POF1B: variants seen among roughly 807,000 people sequenced by gnomAD.
The protein encoded by POF1B is protein POF1B.
POF1B carries 53 observed loss-of-function variants against 55.3 expected under a neutral mutation model. The ratio of observed to expected loss-of-function variants is 0.96; its 90% confidence interval spans 0.77 to 1.20. The LOEUF (loss-of-function observed/expected upper bound fraction) is 1.20, where lower values mean the gene tolerates loss of function less well. Ranked by LOEUF, POF1B falls within the 50% of genes most tolerant of loss-of-function variation. POF1B has a pLI of 0.00. For missense variants in POF1B, 478 were observed against 420.5 expected, an observed-to-expected ratio of 1.14 and a Z score of -1.20; for synonymous variants, 188 against 148.3, an observed-to-expected ratio of 1.27 and a Z score of -1.95.
intron 15 of POF1B, among the ~76,000 whole-genome samples, chrX:85,298,559 A>G (rs1464082002): frequency 1.8e-5 from 2 of 111,574 alleles, no homozygotes; most frequent in African/African-American, 6.5e-5. Context: ...GTTACCTATC[A>G]AATCTCAGTG....
intron 15 of POF1B, among the ~76,000 whole-genome samples, chrX:85,295,214 C>A (rs1193438328): frequency 2.7e-5 from 3 of 111,512 alleles, no homozygotes; most frequent in Non-Finnish European, 5.6e-5. Flanking sequence ...ATCTCAATTT[C>A]ATTCAGTTTT....
intron 15 of POF1B, among the ~76,000 whole-genome samples, chrX:85,283,179 A>C (rs1439670492): frequency 9.0e-6 from 1 of 111,661 alleles, no homozygotes; most frequent in East Asian, 2.8e-4. Context: ...AACAATATAA[A>C]ATCACAATTC....
At chrX:85,375,785 T>C (rs1240342100) in intron 2 of POF1B, among the ~76,000 whole-genome samples, 1 of 111,908 alleles carries the variant, frequency 8.9e-6, no homozygotes, top group African/African-American at 3.3e-5. Flanking sequence ...AGCTGAATAA[T>C]TGTTGAGAAC....
intron 15 of POF1B, among the ~76,000 whole-genome samples, chrX:85,290,600 C>G (rs1932163352): frequency 9.0e-6 from 1 of 111,602 alleles, no homozygotes; most frequent in African/African-American, 3.3e-5. Flanking sequence ...TGATCTGCAC[C>G]CTCACCAGCA....
intron 6 of POF1B, 98 bp downstream of exon 6, chrX:85,345,762 A>G (rs1348713761): frequency 2.5e-6 from 2 of 799,998 alleles, no homozygotes; most frequent in African/African-American, 4.2e-5. Flanking sequence ...ACTTCTCAGT[A>G]TTTTGATGAA....
chrX:85,364,897 A>C (rs1476138941), intron 3 of POF1B, among the ~76,000 whole-genome samples: 2 of 111,845 alleles, frequency 1.8e-5, no homozygotes, highest in Non-Finnish European at 3.8e-5. Context: ...TATTTCATAG[A>C]TTTAGCTTGT....
intron 6 of POF1B, among the ~76,000 whole-genome samples, chrX:85,334,825 A>G (rs1193309342): frequency 9.0e-6 from 1 of 111,455 alleles, no homozygotes; most frequent in African/African-American, 3.2e-5. Context: ...TTTTCTTGCT[A>G]GCCTCCACAC....
chrX:85,303,761 G>A (rs764610119), intron 14 of POF1B, among the ~76,000 whole-genome samples: 6 of 111,130 alleles, frequency 5.4e-5, no homozygotes, highest in Middle Eastern at 4.7e-3. Context: ...TTGAATGGGC[G>A]TGGTTCTCAG....
intron 9 of POF1B, among the ~76,000 whole-genome samples, chrX:85,312,860 G>A (rs1932741076): frequency 9.0e-6 from 1 of 110,963 alleles, no homozygotes; most frequent in Non-Finnish European, 1.9e-5. Context: ...TTGAACAGTG[G>A]TTTGTAGCTC....
chrX:85,344,183 A>G (rs1318787758), intron 6 of POF1B, among the ~76,000 whole-genome samples: 1 of 111,135 alleles, frequency 9.0e-6, no homozygotes, highest in Non-Finnish European at 1.9e-5. Flanking sequence ...ACACTACACC[A>G]TAATACTCCT....
In POF1B at chrX:85,305,812, A is replaced by C. The variant is rs201641099; in HGVS notation, c.1416T>G (p.Asp472Glu). Residue 472 changes from aspartate (D) to glutamate (E), a missense_variant, in exon 13 of 17, where the codon GAT becomes GAG. Coordinates refer to ENST00000262753, the MANE Select transcript of POF1B (RefSeq NM_024921.4). ...ATACCCTCAGTCTGCAGATCTCTCTATCTTTCTCCATTCTCAAGTTTTTTA... is the reference window on the plus strand; with the variant it reads ...ATACCCTCAGTCTGCAGATCTCTCTCTCTTTCTCCATTCTCAAGTTTTTTA... The part of the protein sequence containing the change: ...EMVKNLRMEK[D>E]REICRLRSQL... 21 of 1,209,469 alleles carry C rather than the reference A, an allele frequency of 1.7e-5. No homozygotes were observed. The highest frequency in any genetic ancestry group is 8.9e-5 in the East Asian group (3 of 33,752).
chrX:85,304,120 T>C (rs1039208981), intron 14 of POF1B, among the ~76,000 whole-genome samples: 9 of 111,664 alleles, frequency 8.1e-5, no homozygotes, highest in African/African-American at 2.6e-4. Flanking sequence ...AAATATTAAA[T>C]GTATAACAGC....
At position 85,342,153 on chromosome X, in the gene POF1B, G is replaced by A. The variant is rs138858808; in HGVS notation, c.723+3707C>T. On this transcript the variant is annotated intron_variant, in intron 6 of 16. Coordinates refer to ENST00000262753, the MANE Select transcript of POF1B (RefSeq NM_024921.4). The stretch of plus-strand genomic sequence containing the variant: ...GCAAGTTATCCTTAATTTCTTCAGG[G>A]AAGTATATGTAACTTGTAATATTTT... 5.2e-3 allele frequency among the ~76,000 whole-genome samples: 580 copies of A among 111,664 alleles called. 5 individuals are homozygous for A. Among genetic ancestry groups the A allele is most frequent in the African/African-American group, 0.018 (555 of 30,869 alleles).
At chrX:85,332,613 C>T (rs1224402576) in intron 6 of POF1B, among the ~76,000 whole-genome samples, 2 of 111,317 alleles carry the variant, frequency 1.8e-5, no homozygotes, top group Non-Finnish European at 3.8e-5. Context: ...TCAACCTCTC[C>T]TCTGAATTCA....
At position 85,287,057 on chromosome X, in the gene POF1B, A is replaced by G. The variant is rs146487852; in HGVS notation, c.1650-4740T>C. Reference sequence around the variant, plus strand: ...AGAAAATATTTTGAACTGAATGCAAATGAAAATATAACTTATCAAAATTGT... The same window carrying G: ...AGAAAATATTTTGAACTGAATGCAAGTGAAAATATAACTTATCAAAATTGT... On this transcript the variant is annotated intron_variant, in intron 15 of 16. Coordinates refer to ENST00000262753, the MANE Select transcript of POF1B (RefSeq NM_024921.4). Among the ~76,000 whole-genome samples, 7 of 111,938 alleles carry G rather than the reference A, an allele frequency of 6.3e-5. No individual in the cohort carries two copies. The South Asian group carries it at 2.6e-3, about 41-fold the overall frequency.
chrX:85,317,891 A>G (rs1178785947), intron 7 of POF1B, among the ~76,000 whole-genome samples: 1 of 111,930 alleles, frequency 8.9e-6, no homozygotes, highest in Admixed American at 9.5e-5. Context: ...ACGTACCCAT[A>G]AAAAACAACA....
At chrX:85,344,576 G>T (rs952920266) in intron 6 of POF1B, among the ~76,000 whole-genome samples, 12 of 110,979 alleles carry the variant, frequency 1.1e-4, no homozygotes, top group African/African-American at 2.9e-4. Context: ...GTATAAAATT[G>T]TTGCTATTAT....
intron 2 of POF1B, among the ~76,000 whole-genome samples, chrX:85,375,100 T>C (rs1030637850): frequency 9.0e-6 from 1 of 111,554 alleles, no homozygotes; most frequent in Non-Finnish European, 1.9e-5. Flanking sequence ...AGAGAGAAAA[T>C]AAAATACACA....
intron 5 of POF1B, among the ~76,000 whole-genome samples, chrX:85,349,193 T>C (rs1436117070): frequency 1.8e-5 from 2 of 111,218 alleles, no homozygotes; most frequent in African/African-American, 3.3e-5. Flanking sequence ...ATTCTGAAAG[T>C]TTGCTTCATT....
Sources: gnomAD v4.1 joint callset for allele counts (sites outside exome capture counted in the v4.1 genomes callset) on GRCh38, gnomAD v4.1.1 for gene constraint, MANE v1.5 for transcripts, NCBI Gene and HGNC (gene_info 2026-07-23, HGNC 2026-07-21) for gene names.